Variants in KCNIP3 observed in about 807,000 individuals in gnomAD.
KCNIP3 encodes potassium voltage-gated channel interacting protein 3.
A neutral mutation model predicts 35.0 loss-of-function variants in KCNIP3; 28 were observed. That is an observed-to-expected ratio of 0.80 (90% CI 0.59 to 1.10). The LOEUF (loss-of-function observed/expected upper bound fraction) is 1.10. KCNIP3 is among the 50% of genes least tolerant of loss of function. The probability of loss-of-function intolerance (pLI) is 0.00; values close to 1 mark genes in which losing one functional copy is unlikely to be tolerated. For synonymous variants in KCNIP3, 134 were observed against 133.8 expected, an observed-to-expected ratio of 1.00 and a Z score of -0.01; for missense variants, 295 against 338.4, an observed-to-expected ratio of 0.87 and a Z score of 1.01.
In KCNIP3 at chr2:95,310,519, AGGTAGGGGCCAG is replaced by A; in HGVS notation, c.181+3_181+14del. On this transcript the variant is annotated splice_donor_variant and splice_donor_5th_base_variant and coding_sequence_variant and intron_variant, in exon 2 of 9. Coordinates refer to ENST00000295225, the MANE Select transcript of KCNIP3 (RefSeq NM_013434.5). LOFTEE classifies it high-confidence loss of function. ...TGTCCAGCACAGCCCCACAGGGCTC[AGGTAGGGGCCAG>A]GGTGGGCTGTGGTCAAGGGTGGGGG... 9.1e-7 allele frequency: 1 copy of A among 1,098,892 alleles called. No homozygotes were observed. The highest frequency in any genetic ancestry group is 1.3e-5 in the South Asian group (1 of 79,290). 68.1% of individuals were successfully genotyped at this position (1,098,892 alleles called of 1,614,324 possible).
intron 3 of KCNIP3, 120 bp from the exon 4 acceptor site, chr2:95,374,728 G>A: frequency 8.3e-7 from 1 of 1,198,278 alleles, no homozygotes; most frequent in Non-Finnish European, 1.2e-6. Context: ...GGGGGCCCCA[G>A]CAGTGCCACA....
intron 2 of KCNIP3, among the ~76,000 whole-genome samples, chr2:95,349,778 C>T (rs990789831): frequency 1.1e-4 from 17 of 152,242 alleles, no homozygotes; most frequent in African/African-American, 3.1e-4. Context: ...TGGTGACCTA[C>T]GGGATATCAG....
At chr2:95,303,179 C>T (rs571934631) in intron 1 of KCNIP3, 1 of 152,336 alleles carries the variant, frequency 6.6e-6, no homozygotes, top group Non-Finnish European at 1.5e-5. Flanking sequence ...TCCATCTTCT[C>T]AGCCAGATGG....
At chr2:95,362,894 T>G (rs1250177787) in intron 2 of KCNIP3, among the ~76,000 whole-genome samples, 3 of 152,244 alleles carry the variant, frequency 2.0e-5, no homozygotes, top group Admixed American at 2.0e-4. Flanking sequence ...TTCATTATTA[T>G]TATCTCTTAG....
chr2:95,338,811 G>A (rs1679123933), intron 2 of KCNIP3, among the ~76,000 whole-genome samples: 1 of 152,212 alleles, frequency 6.6e-6, no homozygotes, highest in African/African-American at 2.4e-5. Context: ...GATGTGAGGA[G>A]GAAATCAAGA....
chr2:95,316,466 A>T (rs541638773), intron 2 of KCNIP3, among the ~76,000 whole-genome samples: 38 of 152,304 alleles, frequency 2.5e-4, no homozygotes, highest in African/African-American at 8.7e-4. Flanking sequence ...TATGGGAAAC[A>T]TGGGGTGAGG....
chr2:95,362,110 T>TTTC (rs763546032), intron 2 of KCNIP3, among the ~76,000 whole-genome samples: 10 of 151,858 alleles, frequency 6.6e-5, no homozygotes, highest in African/African-American at 9.7e-5. Context: ...CCCTTTTTTT[T>TTTC]TTCTTTTTTT....
At chr2:95,375,474 C>G (rs190773512) in intron 5 of KCNIP3, among the ~76,000 whole-genome samples, 1 of 151,994 alleles carries the variant, frequency 6.6e-6, no homozygotes, top group South Asian at 2.1e-4. Flanking sequence ...AGGGAGCCCC[C>G]GAGACACACA....
At chr2:95,308,641 T>C (rs1005169670) in intron 1 of KCNIP3, among the ~76,000 whole-genome samples, 6 of 152,110 alleles carry the variant, frequency 3.9e-5, no homozygotes, top group East Asian at 1.9e-4. Context: ...CAGAGCCCTG[T>C]CGCTGGGCTC....
chr2:95,351,442 T>C (rs1296582696), intron 2 of KCNIP3, among the ~76,000 whole-genome samples: 5 of 152,126 alleles, frequency 3.3e-5, no homozygotes, highest in African/African-American at 1.2e-4. Context: ...CGGGGAGAGC[T>C]GTTGGTTTGC....
chr2:95,358,835 T>C (rs1679721114), intron 2 of KCNIP3, among the ~76,000 whole-genome samples: 1 of 152,082 alleles, frequency 6.6e-6, no homozygotes, highest in Non-Finnish European at 1.5e-5. Context: ...AAACATTTCT[T>C]AAAGGTCCCA....
At chr2:95,302,068 G>A (rs906669630) in intron 1 of KCNIP3, among the ~76,000 whole-genome samples, 2 of 152,132 alleles carry the variant, frequency 1.3e-5, no homozygotes, top group African/African-American at 4.8e-5. Context: ...ATACCCTGGG[G>A]CCTGCACGAC....
chr2:95,346,387 G>A (rs1395563939), intron 2 of KCNIP3, among the ~76,000 whole-genome samples: 1 of 151,462 alleles, frequency 6.6e-6, no homozygotes, highest in Admixed American at 6.6e-5. Context: ...CGGCCTCCAG[G>A]GGCTGGCGGA....
chr2:95,333,212 A>G (rs1558766227), intron 2 of KCNIP3, among the ~76,000 whole-genome samples: 1 of 152,222 alleles, frequency 6.6e-6, no homozygotes, highest in Non-Finnish European at 1.5e-5. Flanking sequence ...CCATGCCCTT[A>G]TAACTGTTTG....
chr2:95,317,481 C>T (rs778895727), intron 2 of KCNIP3, among the ~76,000 whole-genome samples: 1 of 152,082 alleles, frequency 6.6e-6, no homozygotes, highest in Non-Finnish European at 1.5e-5. Context: ...GAAGGCAAAC[C>T]CAAGGCAGGA....
intron 2 of KCNIP3, among the ~76,000 whole-genome samples, chr2:95,334,208 C>T (rs907597915): frequency 1.1e-4 from 16 of 152,320 alleles, no homozygotes; most frequent in African/African-American, 9.6e-5. Context: ...GTTGGCCGGC[C>T]GTGCTTCCTG....
chr2:95,384,076 C>T lies in KCNIP3; in HGVS notation c.*27C>T, dbSNP rs1164317105. The T allele has an allele frequency of 1.2e-6, 2 of 1,608,490 alleles. No homozygotes were observed. Among genetic ancestry groups the T allele is most frequent in the Non-Finnish European group, 1.7e-6 (2 of 1,175,058 alleles). Reference sequence around the variant, plus strand: ...ACACGTCCAAAGGAGTGCATGGCCACAGCCACCTCCACCCCCAAGAAACCT... The same window carrying T: ...ACACGTCCAAAGGAGTGCATGGCCATAGCCACCTCCACCCCCAAGAAACCT... On this transcript the variant is annotated 3_prime_UTR_variant, in exon 9 of 9. Transcript: ENST00000295225.
At chr2:95,335,807 T>C (rs1209360161) in intron 2 of KCNIP3, among the ~76,000 whole-genome samples, 2 of 152,216 alleles carry the variant, frequency 1.3e-5, no homozygotes, top group Non-Finnish European at 2.9e-5. Context: ...TCTGGGAGTC[T>C]AGTTATACAT....
In KCNIP3 at chr2:95,303,961, T is replaced by TA. The variant is rs1263905838; in HGVS notation, c.16-6393dup. Among the ~76,000 whole-genome samples, 7 of 152,296 alleles carry TA rather than the reference T, an allele frequency of 4.6e-5. No homozygotes were observed. The East Asian group carries it at 1.4e-3, about 29-fold the overall frequency. The stretch of plus-strand genomic sequence containing the variant: ...GATTATCATTTCAACCTGCAATTGA[T>TA]ATAAAGCATTTTTAATGAACTATTT... On this transcript the variant is annotated intron_variant, in intron 1 of 8. Coordinates refer to ENST00000295225, the MANE Select transcript of KCNIP3 (RefSeq NM_013434.5).
Sources: allele counts gnomAD v4.1 joint callset (sites outside exome capture counted in the v4.1 genomes callset), GRCh38; gene constraint gnomAD v4.1.1; transcripts MANE v1.5; gene names NCBI Gene and HGNC (gene_info 2026-07-23, HGNC 2026-07-21).